Variants in DNAL1 observed in about 807,000 individuals in gnomAD.
DNAL1 encodes dynein axonemal light chain 1.
In DNAL1, 17 loss-of-function variants were observed where a neutral mutation model predicts 29.4. That is an observed-to-expected ratio of 0.58 (90% CI 0.40 to 0.87). The LOEUF (loss-of-function observed/expected upper bound fraction) is 0.87. Among genes scored for constraint, DNAL1 ranks in the 40% least tolerant of loss-of-function variants. DNAL1 has a pLI of 0.00. For synonymous variants in DNAL1, 78 were observed against 76.3 expected (o/e 1.02, Z -0.12); for missense variants, 188 against 214.1 (o/e 0.88, Z 0.76).
intron 7 of DNAL1, among the ~76,000 whole-genome samples, chr14:73,691,042 T>C (rs78636850): frequency 0.042 from 6,326 of 152,250 alleles, 459 homozygotes; most frequent in African/African-American, 0.14. Context: ...CTCCACTTAA[T>C]AGTTTGTGAA....
rs1892438585 is a variant in DNAL1, at chr14:73,701,650, A to G, written c.*5708A>G. The G allele has an allele frequency of 6.6e-6, 1 of 152,234 alleles. No individual in the cohort carries two copies. The allele number at this position is 152,234 out of a possible 1,614,324, so 9.4% of individuals were successfully genotyped here. ...GCTACTGCCTGGAGGGATCACTCCC[A>G]TCAAAAGACTGGTGAGTTGGAAGCT... On this transcript the variant is annotated 3_prime_UTR_variant, in exon 8 of 8. Coordinates refer to ENST00000553645, the MANE Select transcript of DNAL1 (RefSeq NM_031427.4).
intron 5 of DNAL1, among the ~76,000 whole-genome samples, chr14:73,684,596 A>G (rs1178786771): frequency 2.0e-5 from 3 of 152,124 alleles, no homozygotes; most frequent in African/African-American, 7.2e-5. Flanking sequence ...CTCATTACAT[A>G]TAGTCTAAAA....
At chr14:73,680,742 A>G (rs960408625) in intron 5 of DNAL1, among the ~76,000 whole-genome samples, 1 of 152,182 alleles carries the variant, frequency 6.6e-6, no homozygotes, top group Admixed American at 6.5e-5. Context: ...ACATTAGGCA[A>G]TCGTTGTTGT....
chr14:73,654,121 A>G (rs899528430), intron 1 of DNAL1, among the ~76,000 whole-genome samples: 3 of 152,194 alleles, frequency 2.0e-5, no homozygotes, highest in African/African-American at 7.2e-5. Flanking sequence ...CACCACTGCC[A>G]CCTACCCACA....
At chr14:73,673,971 A>T (rs1891672154) in intron 5 of DNAL1, among the ~76,000 whole-genome samples, 1 of 151,322 alleles carries the variant, frequency 6.6e-6, no homozygotes, top group African/African-American at 2.4e-5. Context: ...TGACTTATTC[A>T]TCTAGACACA....
chr14:73,653,526 T>A (rs913899409), intron 1 of DNAL1, among the ~76,000 whole-genome samples: 1 of 152,030 alleles, frequency 6.6e-6, no homozygotes, highest in African/African-American at 2.4e-5. Flanking sequence ...TAATTTTTTT[T>A]TAATTTTGTT....
At position 73,696,692 on chromosome 14, in the gene DNAL1, C is replaced by T. The variant is rs1347126694; in HGVS notation, c.*750C>T. On this transcript the variant is annotated 3_prime_UTR_variant, in exon 8 of 8. Transcript: ENST00000553645. ...TGACTGATAATGTGGCAATGTTACT[C>T]ATGTGGACCTCGCCTTAAGCACACA... 6.6e-6 allele frequency: 1 copy of T among 152,150 alleles called. No homozygotes were observed. Among genetic ancestry groups the T allele is most frequent in the African/African-American group, 2.4e-5 (1 of 41,422 alleles). 9.4% of individuals were successfully genotyped at this position (152,150 alleles called of 1,614,324 possible).
intron 4 of DNAL1, 128 bp downstream of exon 4, chr14:73,662,170 C>T: frequency 2.8e-6 from 2 of 718,572 alleles, no homozygotes; most frequent in South Asian, 2.1e-5. Flanking sequence ...TAATAGAATA[C>T]ATAAACTATG....
chr14:73,670,559 A>C (rs889173362), intron 4 of DNAL1, among the ~76,000 whole-genome samples: 2 of 152,060 alleles, frequency 1.3e-5, no homozygotes, highest in Non-Finnish European at 2.9e-5. Context: ...TTTTATTCAA[A>C]TGGTTCAAAA....
At chr14:73,687,536 G>A (rs1208641417) in intron 6 of DNAL1, among the ~76,000 whole-genome samples, 151 bp downstream of exon 6, 1 of 152,174 alleles carries the variant, frequency 6.6e-6, no homozygotes, top group Admixed American at 6.6e-5. Flanking sequence ...AACAGCAATA[G>A]GAGTTTCTAA....
intron 4 of DNAL1, among the ~76,000 whole-genome samples, chr14:73,665,046 G>A (rs1007582119): frequency 1.3e-5 from 2 of 151,846 alleles, no homozygotes; most frequent in Non-Finnish European, 2.9e-5. Flanking sequence ...TATATATAGA[G>A]TACTTAGAAT....
intron 5 of DNAL1, among the ~76,000 whole-genome samples, chr14:73,677,837 G>A (rs987091582): frequency 6.8e-4 from 101 of 149,574 alleles, no homozygotes; most frequent in African/African-American, 2.1e-3. Context: ...GATTACAGGC[G>A]TGAGCCACCA....
chr14:73,656,458 G>A (rs1041865096), intron 2 of DNAL1, among the ~76,000 whole-genome samples: 3 of 142,490 alleles, frequency 2.1e-5, no homozygotes, highest in Non-Finnish European at 3.0e-5. Flanking sequence ...TTTTGAGACA[G>A]TGTCTCGCTC....
intron 5 of DNAL1, among the ~76,000 whole-genome samples, chr14:73,678,511 C>CTTTTTT (rs11379191): frequency 5.9e-5 from 7 of 118,188 alleles, no homozygotes; most frequent in African/African-American, 2.2e-4. Flanking sequence ...AGCAGGTATT[C>CTTTTTT]TTTTTTTTTT....
At chr14:73,654,604 A>G (rs868263275) in intron 1 of DNAL1, among the ~76,000 whole-genome samples, 21 of 152,146 alleles carry the variant, frequency 1.4e-4, no homozygotes, top group Middle Eastern at 3.4e-3. Flanking sequence ...CTAAAAATAC[A>G]AAAAATTAGC....
chr14:73,648,403 CATAT>C (rs149075024), intron 1 of DNAL1, among the ~76,000 whole-genome samples: 3 of 86,788 alleles, frequency 3.5e-5, no homozygotes, highest in Admixed American at 2.3e-4. Flanking sequence ...CACCTCATTT[CATAT>C]ATATATATAT....
chr14:73,694,221 C>A (rs1892240361), intron 7 of DNAL1, among the ~76,000 whole-genome samples: 1 of 145,744 alleles, frequency 6.9e-6, no homozygotes, highest in African/African-American at 2.5e-5. Context: ...GCCTGGGCAA[C>A]ATAGCAAGCC....
intron 4 of DNAL1, among the ~76,000 whole-genome samples, chr14:73,662,928 C>T (rs983812947): frequency 6.6e-6 from 1 of 151,310 alleles, no homozygotes; most frequent in Non-Finnish European, 1.5e-5. Context: ...GCCCTATATG[C>T]AAATTTATCA....
At chr14:73,690,393 C>T (rs1892141508) in intron 7 of DNAL1, among the ~76,000 whole-genome samples, 1 of 152,026 alleles carries the variant, frequency 6.6e-6, no homozygotes, top group Non-Finnish European at 1.5e-5. Flanking sequence ...TGGCTCATGC[C>T]TGTAATCCTA....
Sources: gnomAD v4.1 joint callset for allele counts (sites outside exome capture counted in the v4.1 genomes callset) on GRCh38, gnomAD v4.1.1 for gene constraint, MANE v1.5 for transcripts, NCBI Gene and HGNC (gene_info 2026-07-23, HGNC 2026-07-21) for gene names.